Variants in NR3C1 observed in about 807,000 individuals in gnomAD.
NR3C1 encodes nuclear receptor subfamily 3 group C member 1.
NR3C1 carries 14 observed loss-of-function variants against 74.0 expected under a neutral mutation model. The ratio of observed to expected loss-of-function variants is 0.19; its 90% CI spans 0.12 to 0.30. The LOEUF (loss-of-function observed/expected upper bound fraction) is 0.30. NR3C1 is among the 10% of genes least tolerant of loss of function. The pLI is 1.00. For synonymous variants in NR3C1, 308 were observed against 332.5 expected (o/e 0.93, Z 0.80); for missense variants, 695 against 909.8 (o/e 0.76, Z 3.04).
intron 1 of NR3C1, among the ~76,000 whole-genome samples, chr5:143,415,385 C>T (rs955116721): frequency 6.6e-6 from 1 of 151,996 alleles, no homozygotes. Context: ...GATTAGTTAA[C>T]GATTACAAAA....
chr5:143,333,202 G>A (rs923899956), intron 2 of NR3C1: 7 of 1,547,844 alleles, frequency 4.5e-6, no homozygotes, highest in Non-Finnish European at 6.2e-6. Flanking sequence ...GGCTATCGGG[G>A]TGAACGCATC....
intron 1 of NR3C1, among the ~76,000 whole-genome samples, chr5:143,421,429 T>C (rs1027349790): frequency 2.0e-5 from 3 of 152,178 alleles, no homozygotes; most frequent in African/African-American, 7.2e-5. Context: ...CTCTGTGTGC[T>C]TCAGAGTCCT....
At chr5:143,330,343 A>G (rs1276408662) in intron 2 of NR3C1, among the ~76,000 whole-genome samples, 2 of 152,226 alleles carry the variant, frequency 1.3e-5, no homozygotes, top group African/African-American at 2.4e-5. Context: ...GGAGATGTGC[A>G]ATGTGGAAGC....
chr5:143,397,304 A>G (rs1298170362), intron 2 of NR3C1, among the ~76,000 whole-genome samples: 2 of 151,918 alleles, frequency 1.3e-5, no homozygotes, highest in Non-Finnish European at 3.0e-5. Context: ...TCGTAAAGTC[A>G]GAAGGTCAGT....
chr5:143,427,070 C>A (rs1251611634), intron 1 of NR3C1, among the ~76,000 whole-genome samples: 1 of 152,098 alleles, frequency 6.6e-6, no homozygotes, highest in Non-Finnish European at 1.5e-5. Flanking sequence ...AAAACACTAG[C>A]CCCAATGAAC....
chr5:143,327,053 C>G (rs948033098), intron 2 of NR3C1, among the ~76,000 whole-genome samples: 1 of 152,144 alleles, frequency 6.6e-6, no homozygotes, highest in Non-Finnish European at 1.5e-5. Flanking sequence ...TCATTACTAT[C>G]CTGTATTAGT....
intron 2 of NR3C1, among the ~76,000 whole-genome samples, chr5:143,360,540 TA>T (rs1362506661): frequency 1.3e-5 from 2 of 152,256 alleles, no homozygotes; most frequent in Non-Finnish European, 2.9e-5. Flanking sequence ...ATATTTAGGA[TA>T]GTATCAGACT....
At position 143,399,927 on chromosome 5, in the gene NR3C1, T is replaced by C. The variant is rs1344232161; in HGVS notation, c.913A>G (p.Ser305Gly). 6.2e-7 allele frequency: 1 copy of C among 1,614,218 alleles called. No homozygotes were observed. The highest frequency in any genetic ancestry group is 1.7e-4 in the Middle Eastern group (1 of 6,042). The change falls in exon 2 of 9, where the codon AGC (serine) becomes GGC (glycine). Residue 305 changes from serine to glycine, a missense_variant. Physicochemically the swap from Ser to Gly is moderately conservative, Grantham distance 56. This residue lies in a region of NR3C1 where 497 missense variants were observed against 489.5 expected (regional missense o/e 1.02). Coordinates refer to ENST00000394464, the MANE Select transcript of NR3C1 (RefSeq NM_000176.3). ...EKLGTVYCQA[S>G]FPGANIIGNK... ...CCAATTATATTTGCTCCAGGAAAGC[T>C]TGCCTGACAGTAAACTGTGCCCAGT... is the stretch of plus-strand genomic sequence containing the variant.
intron 4 of NR3C1, among the ~76,000 whole-genome samples, chr5:143,305,735 G>T (rs948133556): frequency 4.6e-5 from 7 of 152,074 alleles, no homozygotes; most frequent in African/African-American, 1.7e-4. Flanking sequence ...AATACAAGAG[G>T]GGGGATAGAG....
At position 143,357,483 on chromosome 5, in the gene NR3C1, A is replaced by G. The variant is rs1191807049; in HGVS notation, c.1184+42173T>C. ...CCTAATAAGTGAAAAATAATTCTAC[A>G]AACATTTAAAAAGAATTCTGTAATC... is the stretch of plus-strand genomic sequence containing the variant. On this transcript the variant is annotated intron_variant, in intron 2 of 8. Coordinates refer to ENST00000394464, the MANE Select transcript of NR3C1 (RefSeq NM_000176.3). 3.3e-5 allele frequency among the ~76,000 whole-genome samples: 5 copies of G among 152,224 alleles called. No individual in the cohort carries two copies. The East Asian group carries it at 7.7e-4, about 23-fold the overall frequency.
chr5:143,416,614 C>T (rs1841484641), intron 1 of NR3C1, among the ~76,000 whole-genome samples: 1 of 152,158 alleles, frequency 6.6e-6, no homozygotes, highest in Non-Finnish European at 1.5e-5. Flanking sequence ...CTTCAGCCAG[C>T]TGGAGTTAGC....
At chr5:143,389,923 A>G (rs1837935571) in intron 2 of NR3C1, 2 of 979,554 alleles carry the variant, frequency 2.0e-6, no homozygotes, top group Non-Finnish European at 2.4e-6. Context: ...TAGCTCTGAA[A>G]ACTTATAAAT....
chr5:143,403,317 T>A lies in NR3C1; in HGVS notation c.-120A>T. 6 of 985,346 alleles carry A rather than the reference T, an allele frequency of 6.1e-6. No individual in the cohort carries two copies. Among genetic ancestry groups the A allele is most frequent in the Non-Finnish European group, 7.2e-6 (6 of 829,916 alleles). 61.0% of individuals were successfully genotyped at this position (985,346 alleles called of 1,614,324 possible). ...AAGGAGCAGGAGGGAAATATATTTT[T>A]TTTTTCTAAAAAAAGGAAGTAAACA... On this transcript the variant is annotated 5_prime_UTR_variant, in exon 1 of 9. It introduces an in-frame stop codon into an upstream open reading frame of the 5' UTR. Transcript: ENST00000394464.
At chr5:143,372,797 A>G (rs1339008421) in intron 2 of NR3C1, among the ~76,000 whole-genome samples, 2 of 152,194 alleles carry the variant, frequency 1.3e-5, no homozygotes, top group African/African-American at 2.4e-5. Flanking sequence ...CTGTTCAACA[A>G]TCACAATTAT....
intron 2 of NR3C1, among the ~76,000 whole-genome samples, chr5:143,335,190 G>A (rs1156587139): frequency 5.9e-5 from 9 of 152,162 alleles, no homozygotes; most frequent in Admixed American, 3.9e-4. Flanking sequence ...GGTACATGCC[G>A]AGGCCCTTCC....
chr5:143,319,434 A>AAAGCAAGTG (rs1822869130), intron 2 of NR3C1, among the ~76,000 whole-genome samples: 2 of 152,210 alleles, frequency 1.3e-5, no homozygotes, highest in Admixed American at 6.5e-5. Context: ...ATCACCTCAG[A>AAAGCAAGTG]AAGCAAGTGT....
chr5:143,368,936 A>G (rs927916900), intron 2 of NR3C1, among the ~76,000 whole-genome samples: 1 of 152,190 alleles, frequency 6.6e-6, no homozygotes, highest in African/African-American at 2.4e-5. Flanking sequence ...CAGCAATCAC[A>G]TAGTGAGAAG....
Position 143,310,172 on chromosome 5 carries a change from T to C in NR3C1, c.1393A>G (p.Ile465Val), listed in dbSNP as rs1820586636. The C allele has an allele frequency of 1.2e-6, 2 of 1,614,008 alleles. No homozygotes were observed. Among genetic ancestry groups the C allele is most frequent in the Non-Finnish European group, 8.5e-7 (1 of 1,179,924 alleles). Residue 465 changes from isoleucine to valine, a missense_variant, in exon 4 of 9, where the codon ATC (isoleucine) becomes GTC (valine). Around this residue, in one of 4 missense-constraint regions of NR3C1, gnomAD observed 23 missense variants for 83.1 expected, o/e 0.28. Transcript: ENST00000394464. ...CAGTTTTTTCTTCGAATTTTATCGA[T>C]GATGCAATCATTCCTTCCAGCACAT... is the stretch of plus-strand genomic sequence containing the variant. Reference protein sequence around the residue: ...YLCAGRNDCIIDKIRRKNCPA... With the variant: ...YLCAGRNDCIVDKIRRKNCPA...
intron 7 of NR3C1, 44 bp from the exon 8 acceptor site, chr5:143,282,769 TTTCTTTTC>T (rs1813400081): frequency 6.3e-7 from 1 of 1,583,756 alleles, no homozygotes; most frequent in African/African-American, 1.4e-5. Flanking sequence ...TTCTTTTTCT[TTTCTTTTC>T]TTTTTTTTTT....
Sources: allele counts gnomAD v4.1 joint callset (sites outside exome capture counted in the v4.1 genomes callset), GRCh38; gene constraint gnomAD v4.1.1; regional missense constraint gnomAD v4.1.1; transcripts MANE v1.5; gene names NCBI Gene and HGNC (gene_info 2026-07-23, HGNC 2026-07-21).